ANTXR1: variants seen among roughly 807,000 people sequenced by gnomAD.
The protein encoded by ANTXR1 is anthrax toxin receptor 1.
Under a neutral mutation model 78.1 loss-of-function variants are expected in ANTXR1, and 19 were observed. The ratio of observed to expected loss-of-function variants is 0.24; its 90% CI spans 0.17 to 0.36. The LOEUF (loss-of-function observed/expected upper bound fraction) is 0.36. Among genes scored for constraint, ANTXR1 ranks in the 10% least tolerant of loss-of-function variants. ANTXR1 has a pLI of 1.00. For synonymous variants in ANTXR1, 273 were observed against 260.5 expected, an observed-to-expected ratio of 1.05 and a Z score of -0.46; for missense variants, 518 against 718.6, an observed-to-expected ratio of 0.72 and a Z score of 3.19.
At chr2:69,072,924 G>T in intron 5 of ANTXR1, 98 bp from the exon 6 acceptor site, 3 of 1,169,496 alleles carry the variant, frequency 2.6e-6, no homozygotes, top group South Asian at 1.2e-5. Flanking sequence ...TATTGACTTT[G>T]GGTGGTTGAA....
chr2:69,191,317 A>G (rs1282985035), intron 16 of ANTXR1, among the ~76,000 whole-genome samples: 3 of 152,230 alleles, frequency 2.0e-5, no homozygotes, highest in Non-Finnish European at 4.4e-5. Context: ...TAAAGAACAC[A>G]ATTTTATATG....
At chr2:69,229,489 A>T (rs1675536442) in intron 17 of ANTXR1, among the ~76,000 whole-genome samples, 1 of 152,198 alleles carries the variant, frequency 6.6e-6, no homozygotes, top group Non-Finnish European at 1.5e-5. Context: ...TTGACCAAAA[A>T]ATCTTAGTCG....
chr2:69,174,874 G>A (rs1420532595), intron 14 of ANTXR1, among the ~76,000 whole-genome samples: 2 of 152,192 alleles, frequency 1.3e-5, no homozygotes, highest in Non-Finnish European at 2.9e-5. Flanking sequence ...AAACAAAAGT[G>A]TGCTATTATG....
intron 17 of ANTXR1, among the ~76,000 whole-genome samples, chr2:69,224,988 G>A (rs765132158): frequency 7.8e-6 from 1 of 128,368 alleles, no homozygotes; most frequent in East Asian, 3.6e-4. Context: ...TCCGTTTTCT[G>A]TGGTGTTCCC....
At chr2:69,050,970 C>A (rs1413273563) in intron 3 of ANTXR1, among the ~76,000 whole-genome samples, 1 of 151,878 alleles carries the variant, frequency 6.6e-6, no homozygotes, top group Non-Finnish European at 1.5e-5. Flanking sequence ...TCTTATATTG[C>A]AAGTTTTTCT....
At chr2:69,077,608 T>G (rs1573848628) in intron 8 of ANTXR1, 120 bp downstream of exon 8, 8 of 1,046,926 alleles carry the variant, frequency 7.6e-6, no homozygotes, top group South Asian at 5.1e-5. Flanking sequence ...GAACATCATT[T>G]CTTCCTATAT....
intron 10 of ANTXR1, among the ~76,000 whole-genome samples, chr2:69,104,776 A>G (rs570498691): frequency 6.6e-6 from 1 of 152,270 alleles, no homozygotes; most frequent in South Asian, 2.1e-4. Flanking sequence ...CAAAGGTTAC[A>G]CAAGATGCTG....
intron 1 of ANTXR1, among the ~76,000 whole-genome samples, chr2:69,018,935 T>C (rs1042694648): frequency 2.6e-5 from 4 of 152,188 alleles, no homozygotes; most frequent in Non-Finnish European, 5.9e-5. Context: ...AAATCAGCTG[T>C]AGTTGATGGA....
At chr2:69,160,673 G>T (rs931285055) in intron 13 of ANTXR1, among the ~76,000 whole-genome samples, 1 of 152,164 alleles carries the variant, frequency 6.6e-6, no homozygotes, top group Non-Finnish European at 1.5e-5. Flanking sequence ...GAGGTATTTA[G>T]ACAGTGAGTT....
intron 17 of ANTXR1, among the ~76,000 whole-genome samples, chr2:69,233,588 A>G (rs2104523909): frequency 6.6e-6 from 1 of 152,114 alleles, no homozygotes; most frequent in East Asian, 1.9e-4. Context: ...ATATCTATCA[A>G]TAGGGTTATC....
Position 69,071,774 on chromosome 2 carries a change from T to C in ANTXR1, c.399T>C (p.Tyr133=), listed in dbSNP as rs755638121. 18 of 1,613,750 alleles carry C rather than the reference T, an allele frequency of 1.1e-5. No individual in the cohort carries two copies. Among genetic ancestry groups the C allele is most frequent in the African/African-American group, 2.7e-5 (2 of 74,938 alleles). Residue 133 remains tyrosine (Y), a synonymous_variant, in exon 5 of 18, where the codon TAT becomes TAC. Transcript: ENST00000303714. ...TTCAGGCCAGTGAGCAGATTTATTA[T>C]GAAAACAGACAAGGTAAGACTATAG... The part of the protein sequence containing the change: ...GFERASEQIY[Y]ENRQGYRTAS...
At chr2:69,201,552 C>T (rs993349153) in intron 17 of ANTXR1, among the ~76,000 whole-genome samples, 1 of 152,220 alleles carries the variant, frequency 6.6e-6, no homozygotes, top group South Asian at 2.1e-4. Flanking sequence ...TTAGAAAGGT[C>T]GCACTGGCTG....
intron 2 of ANTXR1, among the ~76,000 whole-genome samples, chr2:69,042,644 T>C (rs1669644719): frequency 6.6e-6 from 1 of 152,156 alleles, no homozygotes; most frequent in African/African-American, 2.4e-5. Context: ...ACCCTATTTC[T>C]CTACTAGTTT....
chr2:69,132,522 C>T (rs1022706877), intron 12 of ANTXR1, among the ~76,000 whole-genome samples: 2 of 152,208 alleles, frequency 1.3e-5, no homozygotes, highest in Non-Finnish European at 2.9e-5. Flanking sequence ...TTCACCAGCC[C>T]GGTAGGGAGT....
chr2:69,092,465 A>G (rs1341558564), intron 9 of ANTXR1, among the ~76,000 whole-genome samples: 1 of 152,268 alleles, frequency 6.6e-6, no homozygotes, highest in Non-Finnish European at 1.5e-5. Context: ...ATAAATACAT[A>G]TGTACATACA....
chr2:69,025,544 G>T (rs1474406984), intron 1 of ANTXR1, among the ~76,000 whole-genome samples: 1 of 152,190 alleles, frequency 6.6e-6, no homozygotes, highest in African/African-American at 2.4e-5. Context: ...CAGAATCATA[G>T]TCAGCCTACC....
At chr2:69,067,204 G>T (rs984503503) in intron 3 of ANTXR1, among the ~76,000 whole-genome samples, 3 of 151,814 alleles carry the variant, frequency 2.0e-5, no homozygotes, top group African/African-American at 7.3e-5. Context: ...GTATAATGGG[G>T]AGGTTGTGAT....
intron 2 of ANTXR1, among the ~76,000 whole-genome samples, chr2:69,044,402 A>G (rs1246901982): frequency 6.6e-6 from 1 of 152,192 alleles, no homozygotes; most frequent in African/African-American, 2.4e-5. Context: ...CCCCTTTTAT[A>G]GACACCATAC....
At chr2:69,067,646 G>A (rs1670439918) in intron 3 of ANTXR1, among the ~76,000 whole-genome samples, 3 of 152,218 alleles carry the variant, frequency 2.0e-5, no homozygotes, top group Admixed American at 1.3e-4. Context: ...GCTATTATGA[G>A]GGGTTCCATG....
Sources: gnomAD v4.1 joint callset for allele counts (sites outside exome capture counted in the v4.1 genomes callset) on GRCh38, gnomAD v4.1.1 for gene constraint, MANE v1.5 for transcripts, NCBI Gene and HGNC (gene_info 2026-07-23, HGNC 2026-07-21) for gene names.